Variants in CHRNB3 observed in about 807,000 individuals in gnomAD.
CHRNB3 encodes cholinergic receptor nicotinic beta 3 subunit, also known as neuronal acetylcholine receptor subunit beta-3.
CHRNB3 carries 37 observed loss-of-function variants against 40.6 expected under a neutral mutation model. That is an observed-to-expected ratio of 0.91 (90% confidence interval 0.70 to 1.20). The LOEUF (loss-of-function observed/expected upper bound fraction) is 1.20, where lower values mean the gene tolerates loss of function less well. Ranked by LOEUF, CHRNB3 falls within the 50% of genes most tolerant of loss-of-function variation. The pLI is 0.00. For synonymous variants in CHRNB3, 207 were observed against 207.1 expected, an observed-to-expected ratio of 1.00 and a Z score of 0.00; for missense variants, 505 against 551.2, an observed-to-expected ratio of 0.92 and a Z score of 0.84.
chr8:42,711,367 T>G (rs1428714248), intron 3 of CHRNB3, among the ~76,000 whole-genome samples: 1 of 145,342 alleles, frequency 6.9e-6, no homozygotes, highest in African/African-American at 2.7e-5. Flanking sequence ...TTACCAGTGG[T>G]TTTTTTTTTA....
In CHRNB3 at chr8:42,699,793, A is replaced by G. The variant is rs539949599; in HGVS notation, c.52+2195A>G. Among the ~76,000 whole-genome samples the G allele has an allele frequency of 3.9e-5, 6 of 152,050 alleles. 1 individual carries two copies. In the South Asian group the frequency reaches 1.2e-3, roughly 32 times the overall value. Reference sequence around the variant, plus strand: ...AAAAAGAAGAAAAAGGTCTCATGCTATCAAGAATCCATTGAATATGCATTC... The same window carrying G: ...AAAAAGAAGAAAAAGGTCTCATGCTGTCAAGAATCCATTGAATATGCATTC... On this transcript the variant is annotated intron_variant, in intron 1 of 5. Transcript: ENST00000289957.
intron 3 of CHRNB3, among the ~76,000 whole-genome samples, chr8:42,715,800 C>A (rs1398056128): frequency 6.6e-6 from 1 of 151,880 alleles, no homozygotes; most frequent in African/African-American, 2.4e-5. Flanking sequence ...TGTCTTCCTC[C>A]TTTGTACTTC....
At chr8:42,732,745 A>C (rs1379641338) in intron 5 of CHRNB3, among the ~76,000 whole-genome samples, 196 bp downstream of exon 5, 4 of 152,198 alleles carry the variant, frequency 2.6e-5, no homozygotes, top group Non-Finnish European at 5.9e-5. Flanking sequence ...GAAGTAGTTC[A>C]CAAAAACATA....
chr8:42,706,567 G>T (rs150886846), intron 1 of CHRNB3, among the ~76,000 whole-genome samples: 1 of 152,016 alleles, frequency 6.6e-6, no homozygotes, highest in Non-Finnish European at 1.5e-5. Flanking sequence ...AAGACCCGAC[G>T]TAGGGTGGGA....
At chr8:42,724,777 G>A (rs1356399287) in intron 3 of CHRNB3, among the ~76,000 whole-genome samples, 1 of 152,002 alleles carries the variant, frequency 6.6e-6, no homozygotes, top group Non-Finnish European at 1.5e-5. Flanking sequence ...TCAGGAGGTC[G>A]AGACCATCCT....
At chr8:42,732,613 A>C in intron 5 of CHRNB3, 64 bp downstream of exon 5, 1 of 1,396,152 alleles carries the variant, frequency 7.2e-7, no homozygotes, top group South Asian at 1.4e-5. Flanking sequence ...ATATTTTGAC[A>C]TCTGTTTACA....
At chr8:42,707,523 A>T (rs1029943433) in intron 1 of CHRNB3, among the ~76,000 whole-genome samples, 11 of 152,208 alleles carry the variant, frequency 7.2e-5, no homozygotes, top group Admixed American at 3.9e-4. Flanking sequence ...ACTGCACTCT[A>T]GCCTGGGCAA....
chr8:42,731,532 G>A, intron 4 of CHRNB3, 135 bp from the exon 5 acceptor site: 2 of 1,001,530 alleles, frequency 2.0e-6, no homozygotes, highest in Non-Finnish European at 2.8e-6. Flanking sequence ...TCCAGCCCGG[G>A]CGATAGAGTG....
chr8:42,734,583 C>A (rs1307731996), intron 5 of CHRNB3, among the ~76,000 whole-genome samples: 1 of 151,576 alleles, frequency 6.6e-6, no homozygotes, highest in Non-Finnish European at 1.5e-5. Context: ...CCACGCCTGG[C>A]CAATTTTTTG....
intron 3 of CHRNB3, among the ~76,000 whole-genome samples, chr8:42,728,716 A>C (rs77417848): frequency 0.011 from 1,655 of 152,230 alleles, 36 homozygotes; most frequent in African/African-American, 0.038. Context: ...TTGATTACAA[A>C]AGGGCAGCAC....
intron 3 of CHRNB3, among the ~76,000 whole-genome samples, chr8:42,713,462 C>G (rs1253574802): frequency 6.6e-6 from 1 of 151,990 alleles, no homozygotes; most frequent in Non-Finnish European, 1.5e-5. Flanking sequence ...ATGGAGCACA[C>G]TGACACTTGG....
chr8:42,719,201 A>G (rs975572931), intron 3 of CHRNB3, among the ~76,000 whole-genome samples: 5 of 152,192 alleles, frequency 3.3e-5, no homozygotes, highest in Non-Finnish European at 7.3e-5. Flanking sequence ...AGCCCCTTAG[A>G]GAACGAGATA....
intron 3 of CHRNB3, among the ~76,000 whole-genome samples, chr8:42,722,663 G>A (rs1036281330): frequency 6.6e-6 from 1 of 152,294 alleles, no homozygotes; most frequent in Non-Finnish European, 1.5e-5. Context: ...CCAGGCTCAA[G>A]TGATCCTCCC....
rs775247281 is a variant in CHRNB3 at position 42,708,742 on chromosome 8, C to T, written c.78C>T (p.Ala26=). The change falls in exon 2 of 6, where the codon GCC becomes GCT. Residue 26 remains alanine, a synonymous_variant. Transcript: ENST00000289957. Reference sequence around the variant, plus strand: ...CCACCACAGGTTTCAACTCAATCGCCGAAAATGAAGATGCCCTCCTCAGAC... The same window carrying T: ...CCACCACAGGTTTCAACTCAATCGCTGAAAATGAAGATGCCCTCCTCAGAC... ...SSATTGFNSI[A]ENEDALLRHL... 4 of 1,613,778 alleles carry T rather than the reference C, an allele frequency of 2.5e-6. No individual in the cohort carries two copies. Among genetic ancestry groups the T allele is most frequent in the African/African-American group, 2.7e-5 (2 of 74,850 alleles).
chr8:42,711,266 T>C (rs1360770942), intron 3 of CHRNB3, among the ~76,000 whole-genome samples: 2 of 151,828 alleles, frequency 1.3e-5, no homozygotes, highest in Admixed American at 1.3e-4. Flanking sequence ...GCCAAGATCA[T>C]GCCACTGCAT....
chr8:42,704,679 G>GGTGTGT (rs146719499), intron 1 of CHRNB3, among the ~76,000 whole-genome samples: 1 of 148,308 alleles, frequency 6.7e-6, no homozygotes, highest in African/African-American at 2.5e-5. Flanking sequence ...TGAGCTAATA[G>GGTGTGT]GTGTGTGTGT....
Position 42,732,457 on chromosome 8 carries a change from G to T in CHRNB3, c.1150G>T (p.Gly384Ter). The change falls in exon 5 of 6, where the codon GGA (glycine) becomes TGA (stop). Residue 384 changes from glycine to a stop codon, truncating the protein, a stop_gained. Transcript: ENST00000289957. LOFTEE classifies it high-confidence loss of function. ...AAAGAAACAGAAACAGCTTAGTGAT[G>T]GAGAAAAAGTTCTAGTTGCTTTTTT... ...EKKKQKQLSD[G>*]EKVLVAFLEK... 6.2e-7 allele frequency: 1 copy of T among 1,613,540 alleles called. No homozygotes were observed. Among genetic ancestry groups the T allele is most frequent in the African/African-American group, 1.3e-5 (1 of 74,966 alleles).
At chr8:42,709,706 C>A (rs1815979963) in intron 2 of CHRNB3, among the ~76,000 whole-genome samples, 1 of 152,202 alleles carries the variant, frequency 6.6e-6, no homozygotes, top group Admixed American at 6.6e-5. Context: ...TCTTGGCTCA[C>A]TTGCAACCTC....
chr8:42,722,144 C>T (rs1258046580), intron 3 of CHRNB3, among the ~76,000 whole-genome samples: 1 of 151,880 alleles, frequency 6.6e-6, no homozygotes, highest in Admixed American at 6.6e-5. Flanking sequence ...GAAGCCGAGG[C>T]GGGTGGATCA....
Sources: allele counts gnomAD v4.1 joint callset (sites outside exome capture counted in the v4.1 genomes callset), GRCh38; gene constraint gnomAD v4.1.1; transcripts MANE v1.5; gene names NCBI Gene and HGNC (gene_info 2026-07-23, HGNC 2026-07-21).